The following TENM1 variants were observed in gnomAD, a reference collection of about 807,000 sequenced individuals.
TENM1 encodes the protein teneurin transmembrane protein 1.
Under a neutral mutation model 174.8 loss-of-function variants are expected in TENM1, and 35 were observed. The observed-to-expected ratio is 0.20, with a 90% CI of 0.15 to 0.27. The LOEUF (loss-of-function observed/expected upper bound fraction) is 0.27, where lower values mean the gene tolerates loss of function less well. TENM1 is among the 10% of genes least tolerant of loss of function. The pLI, the probability that TENM1 is intolerant of heterozygous loss-of-function variation, is 1.00. For synonymous variants in TENM1, 781 were observed against 798.7 expected, an observed-to-expected ratio of 0.98 and a Z score of 0.37; for missense variants, 1,633 against 2,130.1, an observed-to-expected ratio of 0.77 and a Z score of 4.59.
chrX:125,121,364 C>A, the TENM1 span, among the ~76,000 whole-genome samples: 1 of 111,739 alleles, frequency 8.9e-6, no homozygotes, highest in Non-Finnish European at 1.9e-5. Context: ...CACAAAGGGG[C>A]AGCAGCCATA....
At chrX:124,404,440 A>C (rs2060439381) in intron 27 of TENM1, among the ~76,000 whole-genome samples, 1 of 111,297 alleles carries the variant, frequency 9.0e-6, no homozygotes, top group Admixed American at 9.5e-5. Flanking sequence ...AAGGACTTTA[A>C]AACTCCCTAA....
the TENM1 span, among the ~76,000 whole-genome samples, chrX:125,119,076 C>T: frequency 9.0e-6 from 1 of 111,489 alleles, no homozygotes; most frequent in Non-Finnish European, 1.9e-5. Flanking sequence ...CATTTAATTG[C>T]AAAATAGCTG....
At chrX:124,690,579 T>C in intron 5 of TENM1, among the ~76,000 whole-genome samples, 1 of 109,473 alleles carries the variant, frequency 9.1e-6, no homozygotes, top group Admixed American at 9.8e-5. Flanking sequence ...CCTCCAAATC[T>C]CAGGTTGAAA....
chrX:124,718,060 T>A (rs2053227832), intron 4 of TENM1, among the ~76,000 whole-genome samples: 1 of 112,497 alleles, frequency 8.9e-6, no homozygotes, highest in Non-Finnish European at 1.9e-5. Flanking sequence ...CTTCTAGCCA[T>A]CCTATGTTAT....
intron 3 of TENM1, among the ~76,000 whole-genome samples, chrX:124,887,198 G>T (rs923894340): frequency 9.0e-6 from 1 of 110,700 alleles, no homozygotes; most frequent in Non-Finnish European, 1.9e-5. Flanking sequence ...CAAAACACTG[G>T]AAATCTAGAT....
At chrX:124,541,829 C>T (rs926365607) in intron 15 of TENM1, among the ~76,000 whole-genome samples, 1 of 112,331 alleles carries the variant, frequency 8.9e-6, no homozygotes, top group African/African-American at 3.2e-5. Flanking sequence ...CCCCTTGAAT[C>T]TAGGCAAGCT....
chrX:124,693,800 T>C (rs995329442), intron 5 of TENM1, among the ~76,000 whole-genome samples: 3 of 111,018 alleles, frequency 2.7e-5, no homozygotes, highest in African/African-American at 9.8e-5. Context: ...TATTTTCTAG[T>C]TCCTTCTTAT....
chrX:125,016,801 C>T, the TENM1 span, among the ~76,000 whole-genome samples: 9 of 111,137 alleles, frequency 8.1e-5, no homozygotes, highest in Non-Finnish European at 1.1e-4. Flanking sequence ...TCACATTACC[C>T]GACCTCAAAT....
intron 22 of TENM1, among the ~76,000 whole-genome samples, chrX:124,455,942 C>T (rs1569532565): frequency 9.0e-6 from 1 of 111,530 alleles, no homozygotes; most frequent in Non-Finnish European, 1.9e-5. Context: ...TCAGGGAGGA[C>T]AATTCTTTTC....
the TENM1 span, among the ~76,000 whole-genome samples, chrX:125,164,027 A>AT: frequency 4.5e-5 from 5 of 111,571 alleles, no homozygotes; most frequent in Non-Finnish European, 9.4e-5. Context: ...AGCTTAAGTG[A>AT]TTTTTTTTCT....
intron 5 of TENM1, among the ~76,000 whole-genome samples, chrX:124,699,223 G>A (rs2052719760): frequency 9.0e-6 from 1 of 110,930 alleles, no homozygotes; most frequent in Non-Finnish European, 1.9e-5. Flanking sequence ...GATTTCTTGA[G>A]AGATTTTTTT....
At chrX:124,899,899 A>G (rs1238028732) in intron 1 of TENM1, among the ~76,000 whole-genome samples, 1 of 112,466 alleles carries the variant, frequency 8.9e-6, no homozygotes, top group African/African-American at 3.2e-5. Context: ...TCTGCCCACA[A>G]GAAGTGTTGA....
At chrX:124,835,063 C>A (rs1364074926) in intron 3 of TENM1, among the ~76,000 whole-genome samples, 1 of 112,007 alleles carries the variant, frequency 8.9e-6, no homozygotes, top group Non-Finnish European at 1.9e-5. Context: ...AGGCACCTTT[C>A]ACTCTGGTTA....
At chrX:124,387,630 T>G (rs1457307818) in intron 28 of TENM1, among the ~76,000 whole-genome samples, 1 of 112,710 alleles carries the variant, frequency 8.9e-6, no homozygotes, top group Non-Finnish European at 1.9e-5. Flanking sequence ...AAATATGACA[T>G]TACATTCTAA....
chrX:124,481,709 A>ATATATATATATATT (rs766603058), intron 22 of TENM1, 23 bp downstream of exon 25: 13 of 401,097 alleles, frequency 3.2e-5, no homozygotes, highest in East Asian at 1.4e-4. Context: ...ATATATATAT[A>ATATATATATATATT]TATTTATTTA....
At chrX:124,513,044 A>G (rs1329805643) in intron 18 of TENM1, among the ~76,000 whole-genome samples, 1 of 111,708 alleles carries the variant, frequency 9.0e-6, no homozygotes, top group Non-Finnish European at 1.9e-5. Context: ...TTAGTTTCCA[A>G]TGTCTGCTGT....
chrX:124,988,991 T>A, the TENM1 span, among the ~76,000 whole-genome samples: 1 of 111,678 alleles, frequency 9.0e-6, no homozygotes, highest in Non-Finnish European at 1.9e-5. Flanking sequence ...TTCCCTAACA[T>A]CAGAAACAAG....
chrX:124,834,379 C>A (rs61152329), intron 3 of TENM1, among the ~76,000 whole-genome samples: 3,377 of 111,417 alleles, frequency 0.03, 55 homozygotes, highest in African/African-American at 0.061. Context: ...GCCACATGGC[C>A]CAGGTTAGTC....
chrX:124,897,256 A>G (rs1371159391), intron 1 of TENM1, among the ~76,000 whole-genome samples: 2 of 111,689 alleles, frequency 1.8e-5, no homozygotes, highest in Non-Finnish European at 3.8e-5. Flanking sequence ...ATGAAAAATG[A>G]CCACATGCCA....
Sources: gnomAD v4.1 joint callset for allele counts (sites outside exome capture counted in the v4.1 genomes callset) on GRCh38, gnomAD v4.1.1 for gene constraint, MANE v1.5 for transcripts, NCBI Gene and HGNC (gene_info 2026-07-23, HGNC 2026-07-21) for gene names.